SEMA3D: variants seen among roughly 807,000 people sequenced by gnomAD.
SEMA3D encodes semaphorin-3D.
In SEMA3D, 84 loss-of-function variants were observed where a neutral mutation model predicts 100.1. That is an observed-to-expected ratio of 0.84 (90% CI 0.70 to 1.01). The LOEUF (loss-of-function observed/expected upper bound fraction) is 1.01, where lower values mean the gene tolerates loss of function less well. Ranked by LOEUF, SEMA3D falls within the 50% of genes least tolerant of loss-of-function variation. SEMA3D has a pLI of 0.00. For synonymous variants in SEMA3D, 312 were observed against 320.7 expected (o/e 0.97, Z 0.29); for missense variants, 875 against 934.1 (o/e 0.94, Z 0.82).
chr7:85,200,894 A>G, the SEMA3D span, among the ~76,000 whole-genome samples: 2 of 152,208 alleles, frequency 1.3e-5, no homozygotes, highest in African/African-American at 4.8e-5. Flanking sequence ...GAAAGGGGCC[A>G]CAGTAGAGCT....
At chr7:85,241,993 G>C in the SEMA3D span, among the ~76,000 whole-genome samples, 1 of 151,902 alleles carries the variant, frequency 6.6e-6, no homozygotes, top group Non-Finnish European at 1.5e-5. Context: ...AACCACTATG[G>C]AGAACAGTTT....
At chr7:85,165,253 A>T (rs1170790144) in intron 1 of SEMA3D, among the ~76,000 whole-genome samples, 1 of 139,938 alleles carries the variant, frequency 7.1e-6, no homozygotes, top group African/African-American at 2.8e-5. Context: ...TTAAAAAAAG[A>T]AATATAGAAG....
At chr7:85,054,049 T>C (rs1237915461) in intron 9 of SEMA3D, among the ~76,000 whole-genome samples, 1 of 151,946 alleles carries the variant, frequency 6.6e-6, no homozygotes, top group East Asian at 1.9e-4. Context: ...GTTTAGAGAA[T>C]AGGTTATAAT....
At chr7:85,224,154 G>A in the SEMA3D span, among the ~76,000 whole-genome samples, 104 of 152,210 alleles carry the variant, frequency 6.8e-4, no homozygotes, top group African/African-American at 2.3e-3. Context: ...AGAGCACTGG[G>A]ATTATTTTTG....
chr7:85,239,122 A>C, the SEMA3D span, among the ~76,000 whole-genome samples: 1 of 152,186 alleles, frequency 6.6e-6, no homozygotes, highest in Non-Finnish European at 1.5e-5. Context: ...CTCAAATGTT[A>C]AAGTGTGTTA....
the SEMA3D span, among the ~76,000 whole-genome samples, chr7:85,197,198 C>A: frequency 6.6e-6 from 1 of 152,212 alleles, no homozygotes; most frequent in South Asian, 2.1e-4. Flanking sequence ...TCTCTATTAA[C>A]ATAGCTAGAT....
intron 16 of SEMA3D, among the ~76,000 whole-genome samples, chr7:85,014,309 A>T (rs1055898618): frequency 2.0e-5 from 3 of 151,984 alleles, no homozygotes; most frequent in Non-Finnish European, 2.9e-5. Context: ...TCAACATTTT[A>T]AAATAATTAA....
intron 2 of SEMA3D, among the ~76,000 whole-genome samples, chr7:85,124,517 A>ATATTGGTACTTTATAC (rs368460578): frequency 0.27 from 41,618 of 151,618 alleles, 5,953 homozygotes; most frequent in East Asian, 0.38. Context: ...TTGATTATAC[A>ATATTGGTACTTTATAC]CAATAAAGTA....
intron 2 of SEMA3D, among the ~76,000 whole-genome samples, chr7:85,138,665 T>TATAATATAATA: frequency 7.0e-6 from 1 of 143,474 alleles, no homozygotes; most frequent in African/African-American, 2.6e-5. Context: ...AATATATATA[T>TATAATATAATA]TAAATTAAAT....
intron 9 of SEMA3D, among the ~76,000 whole-genome samples, chr7:85,048,542 A>G (rs1202286230): frequency 2.6e-5 from 4 of 151,782 alleles, no homozygotes; most frequent in Admixed American, 1.3e-4. Flanking sequence ...TTAAATGAGT[A>G]TGTTTTGATA....
intron 1 of SEMA3D, chr7:85,159,808 C>A: frequency 1.0e-6 from 1 of 981,560 alleles, no homozygotes; most frequent in Non-Finnish European, 1.2e-6. Context: ...TATCTAATAC[C>A]AGTGCATACT....
the SEMA3D span, among the ~76,000 whole-genome samples, chr7:85,225,103 TATAC>T: frequency 2.5e-3 from 32 of 12,990 alleles, 3 homozygotes; most frequent in African/African-American, 0.013. Context: ...TATATATATA[TATAC>T]ATACATATAT....
At chr7:85,237,718 A>T in the SEMA3D span, among the ~76,000 whole-genome samples, 1 of 152,136 alleles carries the variant, frequency 6.6e-6, no homozygotes, top group Non-Finnish European at 1.5e-5. Flanking sequence ...AACTTTTGAC[A>T]ATTGAGGATA....
chr7:85,033,041 G>GA (rs1260689598), intron 12 of SEMA3D, among the ~76,000 whole-genome samples: 2 of 151,938 alleles, frequency 1.3e-5, no homozygotes, highest in Non-Finnish European at 2.9e-5. Context: ...TTAATGTTGA[G>GA]AAAAAATTGA....
upstream of SEMA3D, among the ~76,000 whole-genome samples, chr7:85,189,509 A>G (rs1475178581): frequency 6.6e-6 from 1 of 152,228 alleles, no homozygotes; most frequent in Admixed American, 6.5e-5. Context: ...TTGCTAAAAT[A>G]CAAGGTGTAT....
At chr7:85,000,466 G>T (rs896300692) in intron 18 of SEMA3D, among the ~76,000 whole-genome samples, 8 of 152,164 alleles carry the variant, frequency 5.3e-5, no homozygotes, top group Non-Finnish European at 1.0e-4. Flanking sequence ...CAAAGGTACG[G>T]GTATAGTCTT....
chr7:85,206,932 C>CA, the SEMA3D span, among the ~76,000 whole-genome samples: 1 of 151,948 alleles, frequency 6.6e-6, no homozygotes, highest in Admixed American at 6.6e-5. Flanking sequence ...TCATCATATC[C>CA]AATACATTCT....
intron 1 of SEMA3D, among the ~76,000 whole-genome samples, chr7:85,172,460 A>G (rs1448090080): frequency 6.6e-6 from 1 of 151,980 alleles, no homozygotes; most frequent in Non-Finnish European, 1.5e-5. Context: ...TCTGGAAAAC[A>G]TTGATTAACA....
Position 84,997,973 on chromosome 7 carries a change from G to A in SEMA3D, c.*1467C>T, listed in dbSNP as rs1390581523. On this transcript the variant is annotated 3_prime_UTR_variant, in exon 19 of 19. Coordinates refer to ENST00000284136, the MANE Select transcript of SEMA3D (RefSeq NM_001384900.1). ...TTGAAAGTACTAACAAAATATGAAA[G>A]ATGTTTATGTTAATATTGTGAGTTT... 6.6e-6 allele frequency: 1 copy of A among 152,144 alleles called. No individual in the cohort carries two copies. The highest frequency in any genetic ancestry group is 1.5e-5 in the Non-Finnish European group (1 of 68,002). 9.4% of individuals were successfully genotyped at this position (152,144 alleles called of 1,614,324 possible).
Sources: gnomAD v4.1 joint callset for allele counts (sites outside exome capture counted in the v4.1 genomes callset) on GRCh38, gnomAD v4.1.1 for gene constraint, MANE v1.5 for transcripts, NCBI Gene and HGNC (gene_info 2026-07-23, HGNC 2026-07-21) for gene names.